Variants in SH3BP2 observed in about 807,000 individuals in gnomAD.
The protein encoded by SH3BP2 is SH3 domain-binding protein 2.
A neutral mutation model predicts 56.2 loss-of-function variants in SH3BP2; 38 were observed. That is an observed-to-expected ratio of 0.68 (90% CI 0.52 to 0.89). SH3BP2 has a LOEUF of 0.89. SH3BP2 is among the 40% of genes least tolerant of loss of function. The probability of loss-of-function intolerance (pLI) is 0.00; values close to 1 mark genes in which losing one functional copy is unlikely to be tolerated. For synonymous variants in SH3BP2, 346 were observed against 316.7 expected, an observed-to-expected ratio of 1.09 and a Z score of -0.98; for missense variants, 748 against 762.6, an observed-to-expected ratio of 0.98 and a Z score of 0.23.
chr4:2,824,991 C>A, intron 4 of SH3BP2, 135 bp from the exon 5 acceptor site: 1 of 829,444 alleles, frequency 1.2e-6, no homozygotes, highest in South Asian at 1.5e-5. Flanking sequence ...AGCCACACAG[C>A]CATGTTGTAT....
chr4:2,811,158 G>A (rs1723732222), intron 1 of SH3BP2, among the ~76,000 whole-genome samples: 2 of 152,216 alleles, frequency 1.3e-5, no homozygotes, highest in African/African-American at 4.8e-5. Context: ...TGCAGACACA[G>A]CTGGGGAGAC....
chr4:2,828,867 G>C (rs1296126716), intron 7 of SH3BP2, among the ~76,000 whole-genome samples: 2 of 152,084 alleles, frequency 1.3e-5, no homozygotes, highest in African/African-American at 2.4e-5. Context: ...CAGGCGCCCC[G>C]TGCTCCCGGG....
At chr4:2,821,469 G>A (rs563802038) in intron 2 of SH3BP2, among the ~76,000 whole-genome samples, 4 of 152,364 alleles carry the variant, frequency 2.6e-5, no homozygotes, top group South Asian at 2.1e-4. Context: ...GGGCAGTGGA[G>A]CTAGGGTGGT....
rs1268341752 is a variant in SH3BP2 at position 2,829,670 on chromosome 4, A to G, written c.764A>G (p.Lys255Arg). 1 of 1,613,032 alleles carries G rather than the reference A, an allele frequency of 6.2e-7. No individual in the cohort carries two copies. Among genetic ancestry groups the G allele is most frequent in the Non-Finnish European group, 8.5e-7 (1 of 1,179,900 alleles). ...PDVGLAAEDS[K>R]RDPLCPRRAE... ...GTTGGCCTGGCTGCTGAGGACTCCA[A>G]GAGGGACCCACTGTGCCCGAGGCGG... Residue 255 changes from lysine to arginine, a missense_variant, in exon 8 of 13, where the codon AAG becomes AGG. Coordinates refer to ENST00000503393, the MANE Select transcript of SH3BP2 (RefSeq NM_001122681.2). This position sits in a 1 kb window ranked among gnomAD's most constrained non-coding sequence, Gnocchi z 4.9.
chr4:2,812,667 G>A (rs535714162), intron 1 of SH3BP2, among the ~76,000 whole-genome samples: 1 of 152,324 alleles, frequency 6.6e-6, no homozygotes, highest in South Asian at 2.1e-4. Flanking sequence ...TGCCTTGAGA[G>A]GCCCCCGAGC....
At chr4:2,802,544 G>GTGTA (rs1560095989) in intron 1 of SH3BP2, among the ~76,000 whole-genome samples, 10 of 128,024 alleles carry the variant, frequency 7.8e-5, no homozygotes, top group South Asian at 4.9e-4. Context: ...GTGTGTGTGT[G>GTGTA]TATATATATG....
At position 2,810,185 on chromosome 4, in the gene SH3BP2, C is replaced by T. The variant is rs1723687354; in HGVS notation, c.-4-10429C>T. 6.6e-6 allele frequency among the ~76,000 whole-genome samples: 1 copy of T among 152,078 alleles called. No individual in the cohort carries two copies. The highest frequency in any genetic ancestry group is 1.9e-4 in the East Asian group (1 of 5,164). On this transcript the variant is annotated intron_variant, in intron 1 of 12. Transcript: ENST00000503393. This position sits in a 1 kb window ranked among gnomAD's most constrained non-coding sequence, Gnocchi z 4.2. ...CCAGAGAGGAGGGGTCTGCAGAGGT[C>T]ACCCAGCAGCCCAGGACTCCCAGCT...
chr4:2,816,831 T>C (rs571000742), intron 1 of SH3BP2, among the ~76,000 whole-genome samples: 1 of 151,328 alleles, frequency 6.6e-6, no homozygotes, highest in East Asian at 1.9e-4. Flanking sequence ...CAGGATTCAG[T>C]TGGCCAGTAT....
In SH3BP2 at chr4:2,836,938, G is replaced by C. The variant is rs181387377; in HGVS notation, c.*3104G>C. The C allele has an allele frequency of 2.0e-5, 3 of 152,372 alleles. No homozygotes were observed. In the East Asian group the frequency reaches 5.8e-4, roughly 29 times the overall value. The allele number at this position is 152,372 out of a possible 1,614,324, so 9.4% of individuals were successfully genotyped here. On this transcript the variant is annotated 3_prime_UTR_variant, in exon 13 of 13. Coordinates refer to ENST00000503393, the MANE Select transcript of SH3BP2 (RefSeq NM_001122681.2). The stretch of plus-strand genomic sequence containing the variant: ...AAAAGGGCCCCAGTGGCTTTGGGAA[G>C]CACCCCCAGCCCAGGGTGAAACATG...
At chr4:2,800,608 C>G (rs2108698609) in intron 1 of SH3BP2, among the ~76,000 whole-genome samples, 1 of 151,294 alleles carries the variant, frequency 6.6e-6, no homozygotes, top group South Asian at 2.1e-4. Context: ...TCTGGGGAGG[C>G]TGTCTCGGGC....
At chr4:2,825,558 A>G (rs1020707904) in intron 5 of SH3BP2, among the ~76,000 whole-genome samples, 12 of 152,122 alleles carry the variant, frequency 7.9e-5, no homozygotes, top group Middle Eastern at 6.8e-3. Context: ...CAACACGCAG[A>G]CATGCACACA....
intron 1 of SH3BP2, among the ~76,000 whole-genome samples, chr4:2,796,864 C>A (rs1723083214): frequency 6.6e-6 from 1 of 152,198 alleles, no homozygotes; most frequent in African/African-American, 2.4e-5. Context: ...GGCCGCGAGG[C>A]AGGGGCCGAG....
intron 1 of SH3BP2, chr4:2,818,424 A>AC (rs1277984813): frequency 8.9e-7 from 1 of 1,118,574 alleles, no homozygotes; most frequent in Non-Finnish European, 1.1e-6. Flanking sequence ...GAGCCCCGGG[A>AC]CCCGGGCCGC....
Position 2,839,163 on chromosome 4 carries a change from CTTTT to C in SH3BP2, c.*5331_*5334del, listed in dbSNP as rs945446288. ...CCATTTTTTAACTTGTTGTCTTTTTCTTTTTCTTTTCTTTTTTTTTTTTTCTGAG... is the reference window on the plus strand; with the variant it reads ...CCATTTTTTAACTTGTTGTCTTTTTCTCTTTTCTTTTTTTTTTTTTCTGAG... On this transcript the variant is annotated 3_prime_UTR_variant, in exon 13 of 13. Coordinates refer to ENST00000503393, the MANE Select transcript of SH3BP2 (RefSeq NM_001122681.2). 1 of 149,506 alleles carries C rather than the reference CTTTT, an allele frequency of 6.7e-6. No homozygotes were observed. Among genetic ancestry groups the C allele is most frequent in the Non-Finnish European group, 1.5e-5 (1 of 67,424 alleles). 9.3% of individuals were successfully genotyped at this position (149,506 alleles called of 1,614,324 possible).
At chr4:2,824,347 T>C (rs1230449797) in intron 3 of SH3BP2, among the ~76,000 whole-genome samples, 1 of 152,068 alleles carries the variant, frequency 6.6e-6, no homozygotes, top group Non-Finnish European at 1.5e-5. Flanking sequence ...TTGGCGGGCA[T>C]CGAGGCAGGT....
At chr4:2,801,396 C>T (rs944617233) in intron 1 of SH3BP2, among the ~76,000 whole-genome samples, 7 of 152,232 alleles carry the variant, frequency 4.6e-5, no homozygotes, top group African/African-American at 9.6e-5. Context: ...ACACAGCTCT[C>T]GGTTCCCCAA....
intron 1 of SH3BP2, chr4:2,817,824 G>GT (rs1724068475): frequency 6.6e-6 from 1 of 152,272 alleles, no homozygotes; most frequent in African/African-American, 2.4e-5. Context: ...TGCAGGTGCC[G>GT]TTTTGCAGAG....
chr4:2,826,900 T>A lies in SH3BP2; in HGVS notation c.429-330T>A, dbSNP rs1237774534. The stretch of plus-strand genomic sequence containing the variant: ...ACATGTCTGCGCGTGTCCCTGTGTC[T>A]TTGTGTATATATATCCATGCCTGTG... On this transcript the variant is annotated intron_variant, in intron 5 of 12. Transcript: ENST00000503393. The A allele has an allele frequency of 1.1e-5, 6 of 538,062 alleles. No individual in the cohort carries two copies. In the East Asian group the frequency reaches 2.7e-4, roughly 25 times the overall value. The allele number at this position is 538,062 out of a possible 1,614,324, so 33.3% of individuals were successfully genotyped here. A position where few individuals can be genotyped will look rare whatever the true frequency, so the allele number is the denominator to read the frequency against.
At chr4:2,832,469 G>A in intron 11 of SH3BP2, 57 bp downstream of exon 11, 5 of 1,370,218 alleles carry the variant, frequency 3.6e-6, no homozygotes, top group Non-Finnish European at 5.2e-6. Context: ...CACCCAGGCT[G>A]TGGGTGGGCC....
Sources: allele counts gnomAD v4.1 joint callset (sites outside exome capture counted in the v4.1 genomes callset), GRCh38; gene constraint gnomAD v4.1.1; non-coding constraint Gnocchi (gnomAD v3.1); transcripts MANE v1.5; gene names NCBI Gene and HGNC (gene_info 2026-07-23, HGNC 2026-07-21).